The following TPRG1 variants were observed in gnomAD, a reference collection of about 807,000 sequenced individuals.
TPRG1 encodes tumor protein p63 regulated 1, also known as tumor protein p63-regulated gene 1 protein.
A neutral mutation model predicts 29.3 loss-of-function variants in TPRG1; 29 were observed. The ratio of observed to expected loss-of-function variants is 0.99; its 90% CI spans 0.74 to 1.35. The LOEUF is 1.35. Among genes scored for constraint, TPRG1 ranks in the 40% most tolerant of loss-of-function variants. The pLI, the probability that TPRG1 is intolerant of heterozygous loss-of-function variation, is 0.00. For synonymous variants in TPRG1, 130 were observed against 116.8 expected (o/e 1.11, Z -0.73); for missense variants, 327 against 335.0 (o/e 0.98, Z 0.19).
chr3:189,106,478 A>G (rs773900712), intron 1 of TPRG1, among the ~76,000 whole-genome samples: 1 of 152,150 alleles, frequency 6.6e-6, no homozygotes, highest in South Asian at 2.1e-4. Flanking sequence ...TGGCAAATAT[A>G]CAAATTTTAA....
intron 4 of TPRG1, among the ~76,000 whole-genome samples, chr3:189,243,209 G>A (rs1458368792): frequency 6.6e-6 from 1 of 152,180 alleles, no homozygotes; most frequent in Non-Finnish European, 1.5e-5. Context: ...GGGGAGTGAG[G>A]CATCTTGCAT....
At chr3:189,198,824 C>T (rs1413046486) in intron 1 of TPRG1, among the ~76,000 whole-genome samples, 1 of 152,140 alleles carries the variant, frequency 6.6e-6, no homozygotes, top group African/African-American at 2.4e-5. Flanking sequence ...GCTCTCATAA[C>T]CCAGACTGGA....
At chr3:189,086,924 G>T (rs1209027114) in intron 4 of TPRG1, among the ~76,000 whole-genome samples, 3 of 152,160 alleles carry the variant, frequency 2.0e-5, no homozygotes, top group Admixed American at 2.0e-4. Flanking sequence ...CATTTGGGTT[G>T]GTTCCAAGTC....
chr3:189,064,510 T>C (rs1018126757), intron 4 of TPRG1, among the ~76,000 whole-genome samples: 4 of 151,756 alleles, frequency 2.6e-5, no homozygotes, highest in Non-Finnish European at 5.9e-5. Context: ...GAAGCAAGCA[T>C]AAGAAAAAAT....
chr3:189,089,243 A>G (rs1159438530), intron 4 of TPRG1, among the ~76,000 whole-genome samples: 1 of 152,214 alleles, frequency 6.6e-6, no homozygotes, highest in Non-Finnish European at 1.5e-5. Context: ...GTAGAATCAC[A>G]TGGGATTCCT....
intron 1 of TPRG1, among the ~76,000 whole-genome samples, chr3:189,184,835 G>C (rs1730702343): frequency 6.6e-6 from 1 of 152,162 alleles, no homozygotes. Flanking sequence ...TATCTATTCT[G>C]TTCAGAACAC....
chr3:189,309,251 A>G (rs1004611031), intron 4 of TPRG1, among the ~76,000 whole-genome samples: 2 of 152,028 alleles, frequency 1.3e-5, no homozygotes, highest in African/African-American at 4.8e-5. Flanking sequence ...GCGGAGTGTT[A>G]TATGCATTTG....
intron 4 of TPRG1, among the ~76,000 whole-genome samples, chr3:189,268,756 G>A (rs185626646): frequency 1.3e-5 from 2 of 152,190 alleles, no homozygotes; most frequent in South Asian, 4.1e-4. Context: ...CAGATGGAAT[G>A]TATGTCAGAG....
Position 189,011,985 on chromosome 3 carries a change from A to T in TPRG1, c.-660+7225A>T, listed in dbSNP as rs568602266. 6.6e-4 allele frequency among the ~76,000 whole-genome samples: 101 copies of T among 152,306 alleles called. 1 individual carries two copies. Among genetic ancestry groups the T allele is most frequent in the African/African-American group, 2.2e-3 (93 of 41,568 alleles). ...AGTGATTTTTGCACAGTGATTTTGTATCCTGAGACTTTGTTGAAGTTGTTT... is the reference window on the plus strand; with the variant it reads ...AGTGATTTTTGCACAGTGATTTTGTTTCCTGAGACTTTGTTGAAGTTGTTT... On this transcript the variant is annotated intron_variant, in intron 3 of 10. Transcript: ENST00000433971.
chr3:189,056,089 C>CTTCCTTCA (rs1715674108), intron 4 of TPRG1, among the ~76,000 whole-genome samples: 7 of 128,788 alleles, frequency 5.4e-5, no homozygotes, highest in Non-Finnish European at 1.1e-4. Context: ...TCCTTCCTTC[C>CTTCCTTCA]TTCCTTCCTT....
At chr3:189,311,790 C>T (rs1238477659) in intron 5 of TPRG1, among the ~76,000 whole-genome samples, 2 of 152,188 alleles carry the variant, frequency 1.3e-5, no homozygotes, top group African/African-American at 4.8e-5. Flanking sequence ...TCAACCCAAG[C>T]CTCAGCATCA....
At chr3:189,140,342 T>G (rs1168924971) in intron 3 of TPRG1, among the ~76,000 whole-genome samples, 1 of 152,196 alleles carries the variant, frequency 6.6e-6, no homozygotes, top group Non-Finnish European at 1.5e-5. Context: ...TTTGGGCACA[T>G]TCCGAAGCTT....
At chr3:189,058,618 A>G (rs1715887817) in intron 4 of TPRG1, among the ~76,000 whole-genome samples, 2 of 152,216 alleles carry the variant, frequency 1.3e-5, no homozygotes, top group African/African-American at 4.8e-5. Flanking sequence ...GGTGCTAACA[A>G]AGAGGTATGC....
chr3:189,017,406 A>G (rs1451611695), intron 3 of TPRG1, among the ~76,000 whole-genome samples: 2 of 151,770 alleles, frequency 1.3e-5, no homozygotes, highest in Non-Finnish European at 2.9e-5. Context: ...CAGTCCCCAG[A>G]GTGTGATGTT....
At chr3:189,107,690 C>T (rs1000505552) in intron 1 of TPRG1, among the ~76,000 whole-genome samples, 1 of 152,080 alleles carries the variant, frequency 6.6e-6, no homozygotes, top group Non-Finnish European at 1.5e-5. Context: ...TAGCACTAAC[C>T]TGCTTTAAAT....
At chr3:189,013,353 T>G (rs1185253940) in intron 3 of TPRG1, among the ~76,000 whole-genome samples, 1 of 152,176 alleles carries the variant, frequency 6.6e-6, no homozygotes, top group Non-Finnish European at 1.5e-5. Flanking sequence ...TAATCTTGAG[T>G]TCTAATTTGA....
chr3:189,182,649 A>C (rs1357882358), intron 1 of TPRG1, among the ~76,000 whole-genome samples: 1 of 152,200 alleles, frequency 6.6e-6, no homozygotes, highest in Non-Finnish European at 1.5e-5. Context: ...GCTTATAAAA[A>C]GTTTTACCTA....
intron 2 of TPRG1, among the ~76,000 whole-genome samples, chr3:189,210,059 G>T (rs965286093): frequency 6.6e-6 from 1 of 152,152 alleles, no homozygotes; most frequent in East Asian, 1.9e-4. Context: ...AGCTTTGCTA[G>T]CTTATGAACC....
intron 4 of TPRG1, among the ~76,000 whole-genome samples, chr3:189,285,839 T>C (rs1227498279): frequency 6.6e-6 from 1 of 152,250 alleles, no homozygotes; most frequent in Non-Finnish European, 1.5e-5. Context: ...TGCCTTGTAC[T>C]ATCTCCATAG....
Sources: allele counts gnomAD v4.1 joint callset (sites outside exome capture counted in the v4.1 genomes callset), GRCh38; gene constraint gnomAD v4.1.1; transcripts MANE v1.5; gene names NCBI Gene and HGNC (gene_info 2026-07-23, HGNC 2026-07-21).